The following KLHL29 variants were observed in gnomAD, a reference collection of about 807,000 sequenced individuals.
The protein encoded by KLHL29 is kelch-like protein 29.
A neutral mutation model predicts 80.4 loss-of-function variants in KLHL29; 21 were observed. The observed-to-expected ratio is 0.26, with a 90% CI of 0.19 to 0.38. KLHL29 has a LOEUF of 0.38. KLHL29 is among the 10% of genes least tolerant of loss of function. The probability of loss-of-function intolerance (pLI) is 1.00; values close to 1 mark genes in which losing one functional copy is unlikely to be tolerated. For missense variants in KLHL29, 867 were observed against 1,223.9 expected, an observed-to-expected ratio of 0.71 and a Z score of 4.35; for synonymous variants, 511 against 526.8, an observed-to-expected ratio of 0.97 and a Z score of 0.41.
chr2:23,662,758 G>A (rs576851934), intron 5 of KLHL29, among the ~76,000 whole-genome samples: 1 of 152,294 alleles, frequency 6.6e-6, no homozygotes, highest in South Asian at 2.1e-4. Flanking sequence ...CCTACAGACT[G>A]TCTATGGTGC....
rs776390206 is a variant in KLHL29, at chr2:23,691,727, C to T, written c.1133C>T (p.Ser378Leu). ...CGGGAGAAGCTGGAGCTCGTCCTGT[C>T]GAACCTGCAGGCAGACGTCCTGGAG... ...GGREKLELVL[S>L]NLQADVLELL... Residue 378 changes from serine to leucine, a missense_variant, in exon 7 of 14, where the codon TCG becomes TTG. By Grantham distance (145) the Ser-to-Leu change is moderately radical. Transcript: ENST00000486442. 1.8e-5 allele frequency: 28 copies of T among 1,551,774 alleles called. No homozygotes were observed. The highest frequency in any genetic ancestry group is 2.1e-5 in the Non-Finnish European group (24 of 1,147,016).
chr2:23,435,220 G>A (rs969201651), intron 1 of KLHL29, among the ~76,000 whole-genome samples: 3 of 152,184 alleles, frequency 2.0e-5, no homozygotes, highest in African/African-American at 7.2e-5. Context: ...CGGGCATTAG[G>A]AGATGGCACT....
At chr2:23,417,395 C>T (rs1450049445) in intron 1 of KLHL29, among the ~76,000 whole-genome samples, 1 of 152,200 alleles carries the variant, frequency 6.6e-6, no homozygotes, top group Admixed American at 6.5e-5. Flanking sequence ...CATCTGCCTG[C>T]AAGCGTTTAC....
chr2:23,608,336 G>T (rs970296323), intron 3 of KLHL29, among the ~76,000 whole-genome samples: 1 of 152,130 alleles, frequency 6.6e-6, no homozygotes, highest in Non-Finnish European at 1.5e-5. Context: ...ACTCCCACGC[G>T]CCTGTGAGGT....
intron 2 of KLHL29, among the ~76,000 whole-genome samples, chr2:23,541,689 T>C (rs1490095586): frequency 6.6e-6 from 1 of 151,734 alleles, no homozygotes; most frequent in Admixed American, 6.6e-5. Context: ...TCGGACACAG[T>C]GCATTCACCG....
At chr2:23,601,761 C>G (rs1668577511) in intron 3 of KLHL29, among the ~76,000 whole-genome samples, 1 of 152,186 alleles carries the variant, frequency 6.6e-6, no homozygotes, top group African/African-American at 2.4e-5. Flanking sequence ...CCAGGCTAGC[C>G]CACCACACTG....
intron 5 of KLHL29, among the ~76,000 whole-genome samples, chr2:23,644,786 C>T (rs1334408453): frequency 4.6e-5 from 7 of 152,218 alleles, no homozygotes; most frequent in Admixed American, 4.6e-4. Context: ...AAATAGGGGC[C>T]CTGCTAAGAT....
chr2:23,424,076 C>T (rs186065456), intron 1 of KLHL29, among the ~76,000 whole-genome samples: 2 of 152,204 alleles, frequency 1.3e-5, no homozygotes, highest in Admixed American at 1.3e-4. Context: ...GCTCTTGCTC[C>T]TTTTCTTGTA....
chr2:23,546,635 CTG>C (rs924594283), intron 2 of KLHL29, among the ~76,000 whole-genome samples: 2 of 152,126 alleles, frequency 1.3e-5, no homozygotes, highest in Non-Finnish European at 2.9e-5. Flanking sequence ...AGGAGGGAAA[CTG>C]AGGCTTCTCC....
At chr2:23,651,842 C>T (rs1445331763) in intron 5 of KLHL29, among the ~76,000 whole-genome samples, 1 of 152,208 alleles carries the variant, frequency 6.6e-6, no homozygotes, top group Non-Finnish European at 1.5e-5. Context: ...GGCCTTTCCT[C>T]TGTGCATGAA....
intron 1 of KLHL29, among the ~76,000 whole-genome samples, chr2:23,388,989 CT>C (rs10691490): frequency 0.014 from 1,453 of 106,858 alleles, 28 homozygotes; most frequent in African/African-American, 0.045. Flanking sequence ...CTTTCTTCTT[CT>C]TTTTTTTTTT....
chr2:23,515,901 G>T (rs899236060), intron 2 of KLHL29, among the ~76,000 whole-genome samples: 1 of 152,328 alleles, frequency 6.6e-6, no homozygotes, highest in East Asian at 1.9e-4. Context: ...CACAGAAGGA[G>T]CCTGGTCTGC....
chr2:23,519,394 C>T (rs1666030977), intron 2 of KLHL29, among the ~76,000 whole-genome samples: 1 of 151,578 alleles, frequency 6.6e-6, no homozygotes. Flanking sequence ...AATCCTGCCT[C>T]CCATGGCATC....
chr2:23,600,577 G>A (rs1668544077), intron 3 of KLHL29, among the ~76,000 whole-genome samples: 1 of 152,168 alleles, frequency 6.6e-6, no homozygotes, highest in Admixed American at 6.5e-5. Context: ...CTGCAAAGGG[G>A]GCGTTGTTCC....
chr2:23,388,530 A>G (rs78771412), intron 1 of KLHL29, among the ~76,000 whole-genome samples: 4,110 of 152,282 alleles, frequency 0.027, 63 homozygotes, highest in South Asian at 0.06. Context: ...TCATTAGTCT[A>G]TTCAAATCTT....
intron 1 of KLHL29, among the ~76,000 whole-genome samples, chr2:23,418,331 G>T (rs560799201): frequency 2.0e-5 from 3 of 152,158 alleles, no homozygotes; most frequent in Non-Finnish European, 4.4e-5. Flanking sequence ...AACCCCCCTT[G>T]GGAGGGTGTC....
chr2:23,553,097 C>A (rs932586033), intron 2 of KLHL29, among the ~76,000 whole-genome samples: 2 of 152,168 alleles, frequency 1.3e-5, no homozygotes, highest in African/African-American at 2.4e-5. Context: ...CAAATCCCTG[C>A]CTCCCCTCTT....
intron 11 of KLHL29, among the ~76,000 whole-genome samples, chr2:23,698,763 A>G (rs1239969712): frequency 6.6e-6 from 1 of 152,176 alleles, no homozygotes; most frequent in African/African-American, 2.4e-5. Context: ...GGTCATTTGC[A>G]TGTCATTAGC....
At chr2:23,496,168 A>T (rs1299795755) in intron 2 of KLHL29, among the ~76,000 whole-genome samples, 1 of 152,250 alleles carries the variant, frequency 6.6e-6, no homozygotes, top group African/African-American at 2.4e-5. Context: ...TACCCGCTGC[A>T]GCAGTGGGAT....
Sources: allele counts gnomAD v4.1 joint callset (sites outside exome capture counted in the v4.1 genomes callset), GRCh38; gene constraint gnomAD v4.1.1; transcripts MANE v1.5; gene names NCBI Gene and HGNC (gene_info 2026-07-23, HGNC 2026-07-21).